ZBTB25: variants seen among roughly 807,000 people sequenced by gnomAD.
The protein encoded by ZBTB25 is zinc finger and BTB domain containing 25.
In ZBTB25, 20 loss-of-function variants were observed where a neutral mutation model predicts 34.2. The ratio of observed to expected loss-of-function variants is 0.58; its 90% confidence interval spans 0.41 to 0.85. ZBTB25 has a LOEUF of 0.85. ZBTB25 is among the 40% of genes least tolerant of loss of function. ZBTB25 has a pLI of 0.00. For synonymous variants in ZBTB25, 175 were observed against 186.4 expected, an observed-to-expected ratio of 0.94 and a Z score of 0.50; for missense variants, 437 against 521.8, an observed-to-expected ratio of 0.84 and a Z score of 1.58.
At chr14:64,451,559 A>G (rs1483094789) in intron 2 of ZBTB25, among the ~76,000 whole-genome samples, 1 of 152,276 alleles carries the variant, frequency 6.6e-6, no homozygotes, top group African/African-American at 2.4e-5. Context: ...CCATAAACAC[A>G]AATTTGCACA....
chr14:64,467,263 T>C (rs962956966), intron 2 of ZBTB25: 15 of 152,222 alleles, frequency 9.9e-5, no homozygotes, highest in African/African-American at 3.6e-4. Context: ...TCAGCCAAAT[T>C]GCTTCATCTG....
At position 64,468,341 on chromosome 14, in the gene ZBTB25, G is replaced by T. The variant is rs1596587772; in HGVS notation, c.174-18703C>A. 2.7e-6 allele frequency: 4 copies of T among 1,481,204 alleles called. No homozygotes were observed. The East Asian group carries it at 9.5e-5, about 35-fold the overall frequency. 91.8% of individuals were successfully genotyped at this position (1,481,204 alleles called of 1,614,324 possible). On this transcript the variant is annotated intron_variant, in intron 2 of 2. Transcript: ENST00000555220. ...TTTGCTCATCTTTTTGTCACAAAAG[G>T]CTGCTAAGGAAGAGAGAATACAGTT...
intron 2 of ZBTB25, among the ~76,000 whole-genome samples, chr14:64,465,990 T>G (rs1277914688): frequency 2.0e-5 from 3 of 152,146 alleles, no homozygotes; most frequent in African/African-American, 7.2e-5. Context: ...TTGAGTACTT[T>G]ATCCTGCGCT....
In ZBTB25 at chr14:64,481,506, ATAATC is replaced by A. The variant is rs1439274644; in HGVS notation, c.*5412_*5416del. ...GGTCTTTTTTATTGAACAAGTTTTTATAATCTAAGTTTATTTTAAAGTATAAGTTT... is the reference window on the plus strand; with the variant it reads ...GGTCTTTTTTATTGAACAAGTTTTTATAAGTTTATTTTAAAGTATAAGTTT... On this transcript the variant is annotated 3_prime_UTR_variant, in exon 3 of 3. Transcript: ENST00000608382. The A allele has an allele frequency of 1.3e-5, 2 of 152,240 alleles. No individual in the cohort carries two copies. Among genetic ancestry groups the A allele is most frequent in the Non-Finnish European group, 2.9e-5 (2 of 68,040 alleles). 9.4% of individuals were successfully genotyped at this position (152,240 alleles called of 1,614,324 possible).
rs867419002 is a variant in ZBTB25 at position 64,486,270 on chromosome 14, C to T, written c.*653G>A. The T allele has an allele frequency of 3.1e-6, 3 of 974,652 alleles. No homozygotes were observed. The highest frequency in any genetic ancestry group is 1.2e-6 in the Non-Finnish European group (1 of 820,470). The allele number at this position is 974,652 out of a possible 1,614,324, so 60.4% of individuals were successfully genotyped here. ...TCAGCCGAGATCGCGCCACTGCGCC[C>T]CAGCCTGGGCGACACAGAGAGACTC... On this transcript the variant is annotated 3_prime_UTR_variant, in exon 3 of 3. Transcript: ENST00000608382.
At position 64,478,198 on chromosome 14, in the gene ZBTB25, G is replaced by A. The variant is rs960170994; in HGVS notation, c.*8725C>T. ...TATCAGCTGTAAAATAAACTTAGGAGAAGCAACTGGTGATTAGGTACAAAG... is the reference window on the plus strand; with the variant it reads ...TATCAGCTGTAAAATAAACTTAGGAAAAGCAACTGGTGATTAGGTACAAAG... On this transcript the variant is annotated 3_prime_UTR_variant, in exon 3 of 3. Coordinates refer to ENST00000608382, the MANE Select transcript of ZBTB25 (RefSeq NM_006977.5). 1.1e-4 allele frequency: 16 copies of A among 152,204 alleles called. No individual in the cohort carries two copies. Among genetic ancestry groups the A allele is most frequent in the African/African-American group, 3.6e-4 (15 of 41,448 alleles). 9.4% of individuals were successfully genotyped at this position (152,204 alleles called of 1,614,324 possible).
In ZBTB25 at chr14:64,478,067, C is replaced by T. The variant is rs1181280824; in HGVS notation, c.*8856G>A. 1 of 152,202 alleles carries T rather than the reference C, an allele frequency of 6.6e-6. No individual in the cohort carries two copies. Among genetic ancestry groups the T allele is most frequent in the Non-Finnish European group, 1.5e-5 (1 of 68,046 alleles). 9.4% of individuals were successfully genotyped at this position (152,202 alleles called of 1,614,324 possible). On this transcript the variant is annotated 3_prime_UTR_variant, in exon 3 of 3. Coordinates refer to ENST00000608382, the MANE Select transcript of ZBTB25 (RefSeq NM_006977.5). ...ACCATGGTGTTCCAGTAGCTTAATA[C>T]TTTATTATTTTGATACAATATCACC...
At chr14:64,464,466 T>C (rs1015688843) in intron 2 of ZBTB25, among the ~76,000 whole-genome samples, 1 of 152,240 alleles carries the variant, frequency 6.6e-6, no homozygotes, top group Non-Finnish European at 1.5e-5. Flanking sequence ...GTTCTTTCCT[T>C]GATAAGCCTC....
At chr14:64,497,157 A>G (rs2079306408) in intron 1 of ZBTB25, among the ~76,000 whole-genome samples, 2 of 142,152 alleles carry the variant, frequency 1.4e-5, no homozygotes, top group Non-Finnish European at 3.2e-5. Context: ...GAAACAAATT[A>G]AAATCTATTA....
At chr14:64,451,668 G>T (rs1170405627) in intron 2 of ZBTB25, among the ~76,000 whole-genome samples, 1 of 152,222 alleles carries the variant, frequency 6.6e-6, no homozygotes, top group African/African-American at 2.4e-5. Context: ...ACCTGAAAGA[G>T]CAGGGACATA....
At chr14:64,459,798 C>T in intron 2 of ZBTB25, 2 of 1,535,958 alleles carry the variant, frequency 1.3e-6, no homozygotes, top group Non-Finnish European at 8.7e-7. Context: ...GAAAGTCTGG[C>T]CAGTGTCTAT....
At chr14:64,454,856 T>G in intron 2 of ZBTB25, 1 of 1,614,238 alleles carries the variant, frequency 6.2e-7, no homozygotes, top group Non-Finnish European at 8.5e-7. Context: ...GCTGGTTTTC[T>G]GTACCCCTTA....
At chr14:64,453,838 A>T (rs2078419499) in intron 2 of ZBTB25, 1 of 1,609,280 alleles carries the variant, frequency 6.2e-7, no homozygotes, top group Non-Finnish European at 8.5e-7. Flanking sequence ...AGCTCAACAC[A>T]AAGCTGAAGT....
intron 2 of ZBTB25, chr14:64,470,589 CA>C (rs35363924): frequency 0.068 from 3,426 of 50,208 alleles, 100 homozygotes; most frequent in African/African-American, 0.19. Context: ...GACTCCTTCT[CA>C]AAAAAAAAAA....
intron 1 of ZBTB25, among the ~76,000 whole-genome samples, chr14:64,500,912 G>A (rs2079473045): frequency 6.6e-6 from 1 of 152,206 alleles, no homozygotes; most frequent in Admixed American, 6.5e-5. Flanking sequence ...TTAGCCAGGT[G>A]TGGTGGCAGG....
intron 2 of ZBTB25, chr14:64,465,712 G>A (rs2078605901): frequency 6.6e-6 from 1 of 152,198 alleles, no homozygotes; most frequent in Non-Finnish European, 1.5e-5. Flanking sequence ...CACTGGATAC[G>A]GGGTATCCGA....
chr14:64,489,644 T>A (rs2079005559), intron 2 of ZBTB25, among the ~76,000 whole-genome samples: 1 of 151,308 alleles, frequency 6.6e-6, no homozygotes, highest in Non-Finnish European at 1.5e-5. Context: ...CACGCAATTC[T>A]CCTCCCTCAG....
chr14:64,486,374 T>C lies in ZBTB25; in HGVS notation c.*549A>G, dbSNP rs2078863269. On this transcript the variant is annotated 3_prime_UTR_variant, in exon 3 of 3. Coordinates refer to ENST00000608382, the MANE Select transcript of ZBTB25 (RefSeq NM_006977.5). ...TGTAGGTAAGATGTTGTGGAGCTAG[T>C]AGTTAAAAAATAAAACTACTCATGA... 3 of 985,292 alleles carry C rather than the reference T, an allele frequency of 3.0e-6. No individual in the cohort carries two copies. Among genetic ancestry groups the C allele is most frequent in the African/African-American group, 1.7e-5 (1 of 57,230 alleles). 61.0% of individuals were successfully genotyped at this position (985,292 alleles called of 1,614,324 possible).
chr14:64,460,141 G>A, intron 2 of ZBTB25: 1 of 540,330 alleles, frequency 1.9e-6, no homozygotes, highest in Non-Finnish European at 3.3e-6. Flanking sequence ...ATACTGTTGT[G>A]TTTAGAGGGA....
Sources: allele counts gnomAD v4.1 joint callset (sites outside exome capture counted in the v4.1 genomes callset), GRCh38; gene constraint gnomAD v4.1.1; transcripts MANE v1.5; gene names NCBI Gene and HGNC (gene_info 2026-07-23, HGNC 2026-07-21).